OTUD7A: variants seen among roughly 807,000 people sequenced by gnomAD.
OTUD7A encodes the protein OTU deubiquitinase 7A.
OTUD7A carries 12 observed loss-of-function variants against 65.7 expected under a neutral mutation model. The ratio of observed to expected loss-of-function variants is 0.18; its 90% CI spans 0.12 to 0.30. The LOEUF is 0.30. Ranked by LOEUF, OTUD7A falls within the 10% of genes least tolerant of loss-of-function variation. OTUD7A has a pLI of 1.00. For synonymous variants in OTUD7A, 641 were observed against 586.3 expected, an observed-to-expected ratio of 1.09 and a Z score of -1.35; for missense variants, 1,148 against 1,304.8, an observed-to-expected ratio of 0.88 and a Z score of 1.85.
intron 1 of OTUD7A, among the ~76,000 whole-genome samples, chr15:31,782,848 A>G (rs1366674075): frequency 6.6e-6 from 1 of 152,224 alleles, no homozygotes; most frequent in Non-Finnish European, 1.5e-5. Flanking sequence ...GCAGGATCAG[A>G]GGTCCCTGTG....
chr15:31,628,463 G>T (rs1156672591), intron 3 of OTUD7A, among the ~76,000 whole-genome samples: 3 of 152,056 alleles, frequency 2.0e-5, no homozygotes, highest in Non-Finnish European at 4.4e-5. Context: ...TCTCTGTTTT[G>T]GTACCAGTAC....
At chr15:31,857,476 C>T (rs1897606546) in intron 1 of OTUD7A, among the ~76,000 whole-genome samples, 1 of 152,128 alleles carries the variant, frequency 6.6e-6, no homozygotes, top group Admixed American at 6.5e-5. Flanking sequence ...GGTTCTCACG[C>T]CCTCCCCCTT....
chr15:31,850,060 C>T (rs118103787), intron 1 of OTUD7A, among the ~76,000 whole-genome samples: 2,270 of 151,940 alleles, frequency 0.015, 34 homozygotes, highest in Non-Finnish European at 0.024. Context: ...CCCATTACTG[C>T]GTATAAACCC....
chr15:31,570,043 C>T lies in OTUD7A; in HGVS notation c.306G>A (p.Leu102=). 1.9e-6 allele frequency: 3 copies of T among 1,614,156 alleles called. No individual in the cohort carries two copies. The highest frequency in any genetic ancestry group is 2.5e-6 in the Non-Finnish European group (3 of 1,180,042). ...QPGHKVERPC[L]QRQDDIAQEK... is the part of the protein sequence containing the mutation. ...CTTGGGCAATGTCGTCCTGCCTCTG[C>T]AGGCAGGGTCGCTCCACCTTGTGCC... Residue 102 remains leucine, a synonymous_variant, in exon 4 of 13, where the codon CTG becomes CTA. Coordinates refer to ENST00000307050, the MANE Select transcript of OTUD7A (RefSeq NM_001382637.1).
intron 1 of OTUD7A, among the ~76,000 whole-genome samples, chr15:31,667,274 C>T (rs2141291640): frequency 6.6e-6 from 1 of 152,144 alleles, no homozygotes; most frequent in African/African-American, 2.4e-5. Flanking sequence ...TTTCTTAGGT[C>T]TATTAGTAAT....
At chr15:31,569,286 A>G (rs1273042838) in intron 4 of OTUD7A, among the ~76,000 whole-genome samples, 1 of 152,240 alleles carries the variant, frequency 6.6e-6, no homozygotes, top group Non-Finnish European at 1.5e-5. Flanking sequence ...AATAATAACA[A>G]CGACAAAAAC....
intron 3 of OTUD7A, among the ~76,000 whole-genome samples, chr15:31,631,498 C>T (rs962090123): frequency 1.2e-4 from 18 of 151,978 alleles, no homozygotes; most frequent in African/African-American, 3.6e-4. Context: ...GTTACCCGAC[C>T]TTTCTCTCTG....
At chr15:31,615,343 G>A (rs1890553977) in intron 3 of OTUD7A, among the ~76,000 whole-genome samples, 1 of 152,116 alleles carries the variant, frequency 6.6e-6, no homozygotes, top group Non-Finnish European at 1.5e-5. Flanking sequence ...TGTCAGACAA[G>A]TTGACGTTAA....
chr15:31,863,501 G>A (rs1164675923), intron 1 of OTUD7A, among the ~76,000 whole-genome samples: 3 of 152,202 alleles, frequency 2.0e-5, no homozygotes, highest in Non-Finnish European at 4.4e-5. Flanking sequence ...TGTACCCACA[G>A]GCTCAACAGC....
intron 1 of OTUD7A, among the ~76,000 whole-genome samples, chr15:31,694,121 T>A (rs1191358499): frequency 1.3e-5 from 2 of 152,222 alleles, no homozygotes; most frequent in Non-Finnish European, 2.9e-5. Flanking sequence ...GGGTGCCATG[T>A]GACCTTAGTG....
intron 3 of OTUD7A, among the ~76,000 whole-genome samples, chr15:31,625,264 C>T (rs1489184881): frequency 6.6e-6 from 1 of 152,178 alleles, no homozygotes; most frequent in African/African-American, 2.4e-5. Flanking sequence ...GAGCCAGTTA[C>T]ACCACGCTTG....
At chr15:31,485,034 T>C (rs1368447780) in intron 12 of OTUD7A, among the ~76,000 whole-genome samples, 1 of 152,214 alleles carries the variant, frequency 6.6e-6, no homozygotes, top group Non-Finnish European at 1.5e-5. Context: ...CTTGGTACCC[T>C]GGAACCCTGA....
intron 1 of OTUD7A, among the ~76,000 whole-genome samples, chr15:31,750,288 A>G (rs2134502): frequency 0.97 from 147,279 of 151,676 alleles, 71,660 homozygotes; most frequent in East Asian, 1. Flanking sequence ...GGCACCTATA[A>G]TCCCAGCTAC....
At position 31,483,274 on chromosome 15, in the gene OTUD7A, C is replaced by A; in HGVS notation, c.*20G>T. 1 of 1,085,800 alleles carries A rather than the reference C, an allele frequency of 9.2e-7. No individual in the cohort carries two copies. Among genetic ancestry groups the A allele is most frequent in the Non-Finnish European group, 1.1e-6 (1 of 896,656 alleles). 67.3% of individuals were successfully genotyped at this position (1,085,800 alleles called of 1,614,324 possible). A position where few individuals can be genotyped will look rare whatever the true frequency, so the allele number is the denominator to read the frequency against. On this transcript the variant is annotated 3_prime_UTR_variant, in exon 13 of 13. Transcript: ENST00000307050. The stretch of plus-strand genomic sequence containing the variant: ...AATCCTCGAAGGTAGAACCTCGCCG[C>A]CCGCGCCGCGCCGCGCCGCTCAGGG...
At chr15:31,486,289 C>G (rs1392268019) in intron 12 of OTUD7A, among the ~76,000 whole-genome samples, 4 of 152,210 alleles carry the variant, frequency 2.6e-5, no homozygotes, top group African/African-American at 9.6e-5. Flanking sequence ...CTGCCACCGA[C>G]TGGCTGTCAC....
intron 1 of OTUD7A, among the ~76,000 whole-genome samples, chr15:31,831,849 CA>C (rs1896940364): frequency 6.6e-6 from 1 of 152,262 alleles, no homozygotes; most frequent in African/African-American, 2.4e-5. Flanking sequence ...AGATGGATCA[CA>C]GGGGCGTTCC....
At chr15:31,516,404 C>T (rs542185371) in intron 8 of OTUD7A, among the ~76,000 whole-genome samples, 32 of 152,204 alleles carry the variant, frequency 2.1e-4, no homozygotes, top group African/African-American at 6.3e-4. Context: ...CAGGGGGTGG[C>T]GGAGAGGATC....
intron 5 of OTUD7A, among the ~76,000 whole-genome samples, chr15:31,544,892 T>C (rs1888085614): frequency 6.6e-6 from 1 of 151,968 alleles, no homozygotes; most frequent in Non-Finnish European, 1.5e-5. Flanking sequence ...CTTAATTATA[T>C]GCTGGGTCAT....
intron 5 of OTUD7A, among the ~76,000 whole-genome samples, chr15:31,532,635 G>A (rs753478047): frequency 7.2e-5 from 11 of 152,014 alleles, no homozygotes; most frequent in Non-Finnish European, 1.6e-4. Flanking sequence ...AGCTAAAAAA[G>A]TATTCGAAGA....
Sources: allele counts gnomAD v4.1 joint callset (sites outside exome capture counted in the v4.1 genomes callset), GRCh38; gene constraint gnomAD v4.1.1; transcripts MANE v1.5; gene names NCBI Gene and HGNC (gene_info 2026-07-23, HGNC 2026-07-21).